The following SPOCK3 variants were observed in gnomAD, a reference collection of about 807,000 sequenced individuals.
The protein encoded by SPOCK3 is SPARC (osteonectin), cwcv and kazal like domains proteoglycan 3, also known as testican-3.
SPOCK3 carries 30 observed loss-of-function variants against 56.6 expected under a neutral mutation model. The observed-to-expected ratio is 0.53, with a 90% CI of 0.40 to 0.72. SPOCK3 has a LOEUF of 0.72. SPOCK3 is among the 30% of genes least tolerant of loss of function. SPOCK3 has a pLI of 0.00. For missense variants in SPOCK3, 527 were observed against 530.0 expected, an observed-to-expected ratio of 0.99 and a Z score of 0.06; for synonymous variants, 196 against 183.3, an observed-to-expected ratio of 1.07 and a Z score of -0.56.
chr4:166,965,797 C>G (rs189919060), intron 4 of SPOCK3, among the ~76,000 whole-genome samples: 7 of 152,160 alleles, frequency 4.6e-5, no homozygotes, highest in African/African-American at 1.7e-4. Flanking sequence ...TTATCGACAT[C>G]CCCACTAGAG....
intron 2 of SPOCK3, among the ~76,000 whole-genome samples, chr4:167,145,473 A>G (rs1274335928): frequency 6.6e-6 from 1 of 152,022 alleles, no homozygotes; most frequent in Non-Finnish European, 1.5e-5. Flanking sequence ...ATGAAAAATG[A>G]GTTGTCATGA....
chr4:166,871,334 A>C (rs1732445179), intron 6 of SPOCK3, among the ~76,000 whole-genome samples: 1 of 152,140 alleles, frequency 6.6e-6, no homozygotes, highest in Non-Finnish European at 1.5e-5. Context: ...AGAAATAAAA[A>C]GAGGGCAAAA....
At chr4:166,832,935 A>C (rs565956816) in intron 6 of SPOCK3, among the ~76,000 whole-genome samples, 1 of 152,256 alleles carries the variant, frequency 6.6e-6, no homozygotes, top group East Asian at 1.9e-4. Context: ...GAGGATTGAA[A>C]AACTAACTAT....
At position 166,767,636 on chromosome 4, in the gene SPOCK3, C is replaced by G. The variant is rs574682137; in HGVS notation, c.710-12907G>C. Among the ~76,000 whole-genome samples, 124 of 152,132 alleles carry G rather than the reference C, an allele frequency of 8.2e-4. No homozygotes were observed. The South Asian group carries it at 0.02, about 24-fold the overall frequency. On this transcript the variant is annotated intron_variant, in intron 7 of 10. Coordinates refer to ENST00000357545, the MANE Select transcript of SPOCK3 (RefSeq NM_001040159.2). ...AAGTGGTGAATTTTGGAATAAGTGC[C>G]ATGTGGTGCTGAGAAGAATGTATAT... is the stretch of plus-strand genomic sequence containing the variant.
At chr4:167,028,353 T>C (rs1751919325) in intron 3 of SPOCK3, among the ~76,000 whole-genome samples, 2 of 151,530 alleles carry the variant, frequency 1.3e-5, no homozygotes, top group Non-Finnish European at 2.9e-5. Flanking sequence ...CTCCAGCCTG[T>C]GTGACAGAGT....
chr4:166,961,421 G>A (rs1481843662), intron 4 of SPOCK3, among the ~76,000 whole-genome samples: 6 of 152,068 alleles, frequency 3.9e-5, no homozygotes, highest in African/African-American at 1.2e-4. Context: ...GGATAATTTA[G>A]TGGGGGGTCA....
At chr4:167,213,970 A>T (rs1735125132) in intron 2 of SPOCK3, among the ~76,000 whole-genome samples, 1 of 152,156 alleles carries the variant, frequency 6.6e-6, no homozygotes, top group Non-Finnish European at 1.5e-5. Context: ...TATGATGAAA[A>T]TTGAAACACT....
intron 4 of SPOCK3, among the ~76,000 whole-genome samples, chr4:166,984,660 G>T (rs573657803): frequency 1.3e-5 from 2 of 152,150 alleles, no homozygotes; most frequent in South Asian, 4.1e-4. Context: ...GACAAGGTAA[G>T]AGTTCATTCT....
At chr4:166,899,242 ATATCTATC>A (rs75617799) in intron 5 of SPOCK3, among the ~76,000 whole-genome samples, 1,861 of 117,322 alleles carry the variant, frequency 0.016, 17 homozygotes, top group South Asian at 0.033. Context: ...AAATCTCCTC[ATATCTATC>A]TATCTATCTA....
At chr4:167,116,922 T>C (rs1414476548) in intron 2 of SPOCK3, among the ~76,000 whole-genome samples, 1 of 144,828 alleles carries the variant, frequency 6.9e-6, no homozygotes, top group South Asian at 2.1e-4. Context: ...TGTATATATA[T>C]ATATATATAT....
At chr4:167,223,408 G>C (rs1042030604) in intron 2 of SPOCK3, among the ~76,000 whole-genome samples, 1 of 148,442 alleles carries the variant, frequency 6.7e-6, no homozygotes, top group African/African-American at 2.5e-5. Context: ...TATATATAGA[G>C]AGAGATATAT....
chr4:166,921,932 C>T (rs976248494), intron 4 of SPOCK3, among the ~76,000 whole-genome samples: 3 of 152,040 alleles, frequency 2.0e-5, no homozygotes, highest in Admixed American at 6.6e-5. Flanking sequence ...AAACGTACAA[C>T]GGGGGTCCCC....
At chr4:167,174,189 T>C (rs1730760643) in intron 2 of SPOCK3, among the ~76,000 whole-genome samples, 2 of 152,060 alleles carry the variant, frequency 1.3e-5, no homozygotes, top group Admixed American at 1.3e-4. Context: ...AGTCATAAGA[T>C]ATTATATTAG....
chr4:166,753,844 A>T (rs940233612), intron 8 of SPOCK3, among the ~76,000 whole-genome samples: 1 of 152,068 alleles, frequency 6.6e-6, no homozygotes, highest in Non-Finnish European at 1.5e-5. Flanking sequence ...AATATAAATT[A>T]TCATTCAATT....
At chr4:166,852,268 G>T (rs1178019364) in intron 6 of SPOCK3, among the ~76,000 whole-genome samples, 1 of 151,918 alleles carries the variant, frequency 6.6e-6, no homozygotes, top group Non-Finnish European at 1.5e-5. Flanking sequence ...TGCACATTGT[G>T]CACATGTACC....
At chr4:167,086,081 T>A (rs888281849) in intron 2 of SPOCK3, among the ~76,000 whole-genome samples, 6 of 152,102 alleles carry the variant, frequency 3.9e-5, no homozygotes, top group Admixed American at 1.3e-4. Context: ...ATGTTCTTTA[T>A]CTGTTTCAAC....
chr4:166,776,179 C>T (rs1382729229), intron 7 of SPOCK3, among the ~76,000 whole-genome samples: 2 of 152,042 alleles, frequency 1.3e-5, no homozygotes, highest in African/African-American at 4.8e-5. Context: ...CTTTGGGAGG[C>T]TAAGGCAGGT....
chr4:166,930,775 T>C (rs1216195150), intron 4 of SPOCK3, among the ~76,000 whole-genome samples: 4 of 152,222 alleles, frequency 2.6e-5, no homozygotes, highest in African/African-American at 9.6e-5. Context: ...CAATTTATTT[T>C]TGTCCCAGAA....
chr4:167,207,518 TTAAC>T (rs1352969643), intron 2 of SPOCK3, among the ~76,000 whole-genome samples: 1 of 152,150 alleles, frequency 6.6e-6, no homozygotes, highest in African/African-American at 2.4e-5. Flanking sequence ...ACATGAATCT[TTAAC>T]TATTTTAAAC....
Sources: gnomAD v4.1 joint callset for allele counts (sites outside exome capture counted in the v4.1 genomes callset) on GRCh38, gnomAD v4.1.1 for gene constraint, MANE v1.5 for transcripts, NCBI Gene and HGNC (gene_info 2026-07-23, HGNC 2026-07-21) for gene names.